The following GAS2 variants were observed in gnomAD, a reference collection of about 807,000 sequenced individuals.
GAS2 encodes the protein growth arrest-specific protein 2.
A neutral mutation model predicts 37.5 loss-of-function variants in GAS2; 20 were observed. The observed-to-expected ratio is 0.53, with a 90% CI of 0.37 to 0.77. The LOEUF (loss-of-function observed/expected upper bound fraction) is 0.77. Among genes scored for constraint, GAS2 ranks in the 30% least tolerant of loss-of-function variants. The pLI, the probability that GAS2 is intolerant of heterozygous loss-of-function variation, is 0.00. For missense variants in GAS2, 336 were observed against 373.4 expected, an observed-to-expected ratio of 0.90 and a Z score of 0.82; for synonymous variants, 144 against 132.2, an observed-to-expected ratio of 1.09 and a Z score of -0.61.
chr11:22,764,179 T>C (rs970116424), intron 7 of GAS2, among the ~76,000 whole-genome samples: 1 of 143,942 alleles, frequency 6.9e-6, no homozygotes, highest in South Asian at 2.1e-4. Context: ...TTTTTTAAGA[T>C]TTTTTAAAAA....
At chr11:22,747,920 A>G (rs768625168) in intron 5 of GAS2, among the ~76,000 whole-genome samples, 1 of 152,164 alleles carries the variant, frequency 6.6e-6, no homozygotes, top group African/African-American at 2.4e-5. Context: ...TTCCCCTCGG[A>G]GTATGTACTG....
At chr11:22,701,693 G>A (rs146670108) in intron 3 of GAS2, among the ~76,000 whole-genome samples, 30 of 152,232 alleles carry the variant, frequency 2.0e-4, no homozygotes, top group African/African-American at 5.5e-4. Flanking sequence ...GCCGGGTGTG[G>A]TGGCAGGTGC....
In GAS2 at chr11:22,812,136, T is replaced by C; in HGVS notation, c.*120T>C. On this transcript the variant is annotated 3_prime_UTR_variant, in exon 8 of 8. Coordinates refer to ENST00000454584, the MANE Select transcript of GAS2 (RefSeq NM_001143830.3). ...GAGAAAGATAGACAGAAAAATGTCATCATATTGAAAAATGTTCAAAGAGTA... is the reference window on the plus strand; with the variant it reads ...GAGAAAGATAGACAGAAAAATGTCACCATATTGAAAAATGTTCAAAGAGTA... 4.3e-6 allele frequency: 3 copies of C among 700,186 alleles called. No homozygotes were observed. The highest frequency in any genetic ancestry group is 4.8e-6 in the Non-Finnish European group (2 of 414,624). The allele number at this position is 700,186 out of a possible 1,614,324, so 43.4% of individuals were successfully genotyped here.
At chr11:22,746,044 T>A (rs115473645) in intron 5 of GAS2, among the ~76,000 whole-genome samples, 1,830 of 152,158 alleles carry the variant, frequency 0.012, 38 homozygotes, top group African/African-American at 0.042. Flanking sequence ...TAGCCAGGCA[T>A]GGTGGCATCT....
intron 7 of GAS2, among the ~76,000 whole-genome samples, chr11:22,775,105 A>C (rs993331312): frequency 4.6e-5 from 7 of 152,194 alleles, no homozygotes; most frequent in African/African-American, 1.7e-4. Flanking sequence ...GAGCCAGCTC[A>C]TGGAGAGCTA....
At chr11:22,670,627 CAT>C (rs1491095836) in intron 1 of GAS2, among the ~76,000 whole-genome samples, 2 of 152,104 alleles carry the variant, frequency 1.3e-5, no homozygotes, top group African/African-American at 4.8e-5. Context: ...TAATAAAAAA[CAT>C]ATCGAATATT....
rs139255616 is a variant in GAS2 at position 22,702,077 on chromosome 11, A to G, written c.267+16288A>G. The G allele has an allele frequency of 2.6e-5, 4 of 152,320 alleles. No homozygotes were observed. In the East Asian group the frequency reaches 7.7e-4, roughly 29 times the overall value. 9.4% of individuals were successfully genotyped at this position (152,320 alleles called of 1,614,324 possible). ...TATAATATAAATACAGGAGCTACAC[A>G]TGCATTGCAATGTCTAAAGTGCTTA... On this transcript the variant is annotated intron_variant, in intron 3 of 7. Coordinates refer to ENST00000454584, the MANE Select transcript of GAS2 (RefSeq NM_001143830.3).
intron 3 of GAS2, among the ~76,000 whole-genome samples, chr11:22,696,253 C>T (rs1193172704): frequency 2.0e-5 from 3 of 151,468 alleles, no homozygotes; most frequent in Non-Finnish European, 4.4e-5. Context: ...TCATCCATGT[C>T]GCTACAAAGG....
chr11:22,751,050 A>T (rs1182089953), intron 6 of GAS2, among the ~76,000 whole-genome samples: 2 of 152,016 alleles, frequency 1.3e-5, no homozygotes, highest in East Asian at 3.9e-4. Context: ...TTCTGCTACC[A>T]GAAGGATAAA....
chr11:22,671,494 A>G (rs985760212), intron 1 of GAS2, among the ~76,000 whole-genome samples: 5 of 152,142 alleles, frequency 3.3e-5, no homozygotes, highest in East Asian at 1.9e-4. Flanking sequence ...GTTTAGGCAC[A>G]TTATACAAAA....
In GAS2 at chr11:22,780,557, C is replaced by CAAAAAA. The variant is rs34289288; in HGVS notation, c.723+24618_723+24623dup. Among the ~76,000 whole-genome samples the CAAAAAA allele has an allele frequency of 3.9e-3, 350 of 90,294 alleles. 4 individuals are homozygous for CAAAAAA. The highest frequency in any genetic ancestry group is 0.015 in the African/African-American group (336 of 22,012). The allele number at this position is 90,294 out of a possible 152,430, so 59.2% of individuals were successfully genotyped here. Reference sequence around the variant, plus strand: ...TGGGCAACAGAGCAAGACTCTGTCTCAAAAAAAAAAAAAAAAAAAGATTGT... The same window carrying CAAAAAA: ...TGGGCAACAGAGCAAGACTCTGTCTCAAAAAAAAAAAAAAAAAAAAAAAAAGATTGT... On this transcript the variant is annotated intron_variant, in intron 7 of 7. Coordinates refer to ENST00000454584, the MANE Select transcript of GAS2 (RefSeq NM_001143830.3).
intron 7 of GAS2, among the ~76,000 whole-genome samples, chr11:22,780,569 A>AAG (rs1201134600): frequency 2.0e-5 from 3 of 151,550 alleles, no homozygotes; most frequent in African/African-American, 7.3e-5. Flanking sequence ...AAAAAAAAAA[A>AAG]AAAAAAAGAT....
At chr11:22,703,034 A>G (rs148081351) in intron 3 of GAS2, among the ~76,000 whole-genome samples, 3 of 152,326 alleles carry the variant, frequency 2.0e-5, no homozygotes, top group Middle Eastern at 3.4e-3. Flanking sequence ...GAAAATAAAT[A>G]TGTTAAATTG....
chr11:22,743,937 A>C (rs1315512074), intron 5 of GAS2, among the ~76,000 whole-genome samples: 1 of 152,164 alleles, frequency 6.6e-6, no homozygotes, highest in Non-Finnish European at 1.5e-5. Flanking sequence ...AAAGAAGCTC[A>C]GTCAGGAATG....
chr11:22,748,938 T>A (rs147137741), intron 5 of GAS2, among the ~76,000 whole-genome samples, 182 bp from the exon 6 acceptor site: 8 of 152,218 alleles, frequency 5.3e-5, no homozygotes, highest in African/African-American at 1.7e-4. Context: ...CAGGTATACA[T>A]GTTTTGCCTC....
intron 4 of GAS2, 40 bp downstream of exon 4, chr11:22,726,473 A>G (rs1171149785): frequency 6.4e-7 from 1 of 1,567,950 alleles, no homozygotes; most frequent in Non-Finnish European, 8.7e-7. Context: ...TAAGATACGC[A>G]AATTATCTTT....
intron 7 of GAS2, among the ~76,000 whole-genome samples, chr11:22,764,489 G>A (rs1854570310): frequency 1.3e-5 from 2 of 149,478 alleles, no homozygotes; most frequent in Admixed American, 6.7e-5. Context: ...GAGCCCGGGA[G>A]GCGGAGCTTG....
At chr11:22,640,201 G>A (rs599840) in intron 1 of GAS2, among the ~76,000 whole-genome samples, 148,110 of 152,244 alleles carry the variant, frequency 0.97, 72,191 homozygotes, top group East Asian at 1. Flanking sequence ...AATTTGAGAT[G>A]TGTCTTTTTA....
intron 6 of GAS2, among the ~76,000 whole-genome samples, chr11:22,753,536 A>G (rs1392350798): frequency 2.6e-5 from 4 of 152,108 alleles, no homozygotes; most frequent in African/African-American, 9.6e-5. Flanking sequence ...CCAGTTGAAC[A>G]TCAATTTACT....
Sources: allele counts gnomAD v4.1 joint callset (sites outside exome capture counted in the v4.1 genomes callset), GRCh38; gene constraint gnomAD v4.1.1; transcripts MANE v1.5; gene names NCBI Gene and HGNC (gene_info 2026-07-23, HGNC 2026-07-21).